Variants in FNDC3B observed in about 807,000 individuals in gnomAD.
FNDC3B encodes fibronectin type III domain-containing protein 3B.
A neutral mutation model predicts 151.5 loss-of-function variants in FNDC3B; 12 were observed. The ratio of observed to expected loss-of-function variants is 0.08; its 90% CI spans 0.05 to 0.13. The LOEUF (loss-of-function observed/expected upper bound fraction) is 0.13, where lower values mean the gene tolerates loss of function less well. Among genes scored for constraint, FNDC3B ranks in the 10% least tolerant of loss-of-function variants. The pLI is 1.00. For missense variants in FNDC3B, 1,214 were observed against 1,505.3 expected, an observed-to-expected ratio of 0.81 and a Z score of 3.20; for synonymous variants, 528 against 549.0, an observed-to-expected ratio of 0.96 and a Z score of 0.54.
At chr3:172,266,241 A>G (rs145799983) in intron 6 of FNDC3B, among the ~76,000 whole-genome samples, 3 of 152,316 alleles carry the variant, frequency 2.0e-5, no homozygotes, top group East Asian at 1.9e-4. Flanking sequence ...TGTAATGACT[A>G]CTGTCCACAG....
intron 23 of FNDC3B, 125 bp downstream of exon 23, chr3:172,362,970 G>GA: frequency 1.4e-6 from 1 of 724,074 alleles, no homozygotes; most frequent in Non-Finnish European, 2.3e-6. Flanking sequence ...GGCTTCCTTT[G>GA]ACTTGAGCCC....
rs188013608 is a variant in FNDC3B at position 172,329,151 on chromosome 3, G to A, written c.1379+75G>A. ...TGAGCCTTCTTTTACATAGCTGGAA[G>A]GCATGAGGAAGCCTGCTGCCTCCAC... On this transcript the variant is annotated intron_variant, in intron 12 of 25. Transcript: ENST00000415807. 26 of 1,512,308 alleles carry A rather than the reference G, an allele frequency of 1.7e-5. No homozygotes were observed. The Admixed American group carries it at 5.0e-4, about 29-fold the overall frequency. The allele number at this position is 1,512,308 out of a possible 1,614,324, so 93.7% of individuals were successfully genotyped here.
intron 25 of FNDC3B, among the ~76,000 whole-genome samples, chr3:172,385,159 G>C (rs1735642757): frequency 6.6e-6 from 1 of 152,104 alleles, no homozygotes; most frequent in Admixed American, 6.6e-5. Context: ...ACATGAGCTA[G>C]GGAATGAAAC....
intron 4 of FNDC3B, among the ~76,000 whole-genome samples, chr3:172,228,948 T>A (rs1006870325): frequency 2.6e-5 from 4 of 152,252 alleles, no homozygotes; most frequent in East Asian, 3.9e-4. Context: ...ACACAACATC[T>A]TCTTTAACGC....
intron 3 of FNDC3B, among the ~76,000 whole-genome samples, chr3:172,216,084 G>A (rs1390270077): frequency 6.6e-6 from 1 of 152,164 alleles, no homozygotes; most frequent in African/African-American, 2.4e-5. Flanking sequence ...GTGCCAAAGA[G>A]AGAAAATGCT....
chr3:172,343,183 G>C, intron 18 of FNDC3B, 67 bp downstream of exon 18: 1 of 864,120 alleles, frequency 1.2e-6, no homozygotes, highest in Non-Finnish European at 2.0e-6. Context: ...CTTATGCTTT[G>C]TAGTTAAGTT....
At position 172,040,908 on chromosome 3, in the gene FNDC3B, G is replaced by T. The variant is rs902583841; in HGVS notation, c.-29+1137G>T. 1.3e-4 allele frequency among the ~76,000 whole-genome samples: 20 copies of T among 152,188 alleles called. No individual in the cohort carries two copies. Among genetic ancestry groups the T allele is most frequent in the Non-Finnish European group, 2.2e-4 (15 of 67,998 alleles). On this transcript the variant is annotated intron_variant, in intron 1 of 25. Transcript: ENST00000415807. The surrounding 1 kb of genome is among the most constrained non-coding windows in gnomAD (Gnocchi z 6.6). The stretch of plus-strand genomic sequence containing the variant: ...TGCGCCGCCCGGCGGCGCCTTTGGC[G>T]GGGAGGCTTCCAGGAGTGCGCGGTC...
chr3:172,123,975 T>C (rs1355197380), intron 2 of FNDC3B, among the ~76,000 whole-genome samples: 1 of 152,222 alleles, frequency 6.6e-6, no homozygotes, highest in Non-Finnish European at 1.5e-5. Context: ...TATCCTTTCA[T>C]AGATCGGTGT....
intron 6 of FNDC3B, among the ~76,000 whole-genome samples, chr3:172,284,262 G>A (rs1342558312): frequency 4.6e-5 from 7 of 152,272 alleles, no homozygotes; most frequent in Non-Finnish European, 7.4e-5. Flanking sequence ...GGTTGTTAAA[G>A]TTTTAATGCG....
At chr3:172,182,964 G>A (rs1265316049) in intron 3 of FNDC3B, among the ~76,000 whole-genome samples, 1 of 152,234 alleles carries the variant, frequency 6.6e-6, no homozygotes, top group Non-Finnish European at 1.5e-5. Context: ...TGATTGTGTT[G>A]TCTATTTGGC....
At chr3:172,154,143 G>A (rs569214803) in intron 3 of FNDC3B, among the ~76,000 whole-genome samples, 2 of 152,174 alleles carry the variant, frequency 1.3e-5, no homozygotes. Flanking sequence ...CTTCTAATAG[G>A]CCCCCCAAAA....
intron 3 of FNDC3B, among the ~76,000 whole-genome samples, chr3:172,169,473 T>C (rs1723185033): frequency 6.6e-6 from 1 of 152,216 alleles, no homozygotes; most frequent in African/African-American, 2.4e-5. Flanking sequence ...TTAAGCTGGC[T>C]AGTTTTGTTT....
At chr3:172,334,447 TTA>T (rs1231856158) in intron 14 of FNDC3B, among the ~76,000 whole-genome samples, 1 of 152,122 alleles carries the variant, frequency 6.6e-6, no homozygotes, top group Non-Finnish European at 1.5e-5. Context: ...TTATTTTTAT[TTA>T]TTTATTTTTT....
Position 172,295,501 on chromosome 3 carries a change from A to G in FNDC3B, c.988A>G (p.Lys330Glu), listed in dbSNP as rs1406669893. 6.2e-7 allele frequency: 1 copy of G among 1,613,710 alleles called. No homozygotes were observed. Among genetic ancestry groups the G allele is most frequent in the Non-Finnish European group, 8.5e-7 (1 of 1,179,808 alleles). ...LSDKGRDGKY[K>E]IIYSGEELEC... ...AGACAAAGGACGAGATGGAAAATACAAGATAATTTACAGGTTGTGTATGTT... is the reference window on the plus strand; with the variant it reads ...AGACAAAGGACGAGATGGAAAATACGAGATAATTTACAGGTTGTGTATGTT... The change falls in exon 8 of 26, where the codon AAG becomes GAG. Residue 330 changes from lysine (K) to glutamate (E), a missense_variant. Transcript: ENST00000415807.
intron 2 of FNDC3B, among the ~76,000 whole-genome samples, chr3:172,113,075 CT>C (rs1466116798): frequency 3.9e-5 from 6 of 152,184 alleles, no homozygotes; most frequent in African/African-American, 1.4e-4. Context: ...TCCTTTGTCA[CT>C]AGTCACTGAA....
intron 15 of FNDC3B, among the ~76,000 whole-genome samples, chr3:172,336,764 G>C (rs367765621): frequency 6.6e-5 from 10 of 151,690 alleles, no homozygotes; most frequent in Non-Finnish European, 1.5e-4. Context: ...TTAGCCAGGC[G>C]TAGTGGCGGG....
intron 1 of FNDC3B, among the ~76,000 whole-genome samples, chr3:172,084,499 A>ACACACACACACACACG (rs1163344403): frequency 2.0e-5 from 3 of 151,816 alleles, no homozygotes; most frequent in African/African-American, 4.8e-5. Context: ...ACACACACAC[A>ACACACACACACACACG]CGTATATTCT....
At chr3:172,043,676 A>G (rs936890232) in intron 1 of FNDC3B, among the ~76,000 whole-genome samples, 2 of 152,246 alleles carry the variant, frequency 1.3e-5, no homozygotes. Context: ...CTATAGCTCA[A>G]CTTTGCTTTC....
chr3:172,125,810 T>A (rs964461342), intron 2 of FNDC3B, among the ~76,000 whole-genome samples: 1 of 152,206 alleles, frequency 6.6e-6, no homozygotes, highest in African/African-American at 2.4e-5. Flanking sequence ...AATACAGAAT[T>A]AAGTGTCACG....
Sources: gnomAD v4.1 joint callset for allele counts (sites outside exome capture counted in the v4.1 genomes callset) on GRCh38, gnomAD v4.1.1 for gene constraint, Gnocchi (gnomAD v3.1) non-coding constraint, MANE v1.5 for transcripts, NCBI Gene and HGNC (gene_info 2026-07-23, HGNC 2026-07-21) for gene names.